NT5DC3: variants seen among roughly 807,000 people sequenced by gnomAD.
NT5DC3 encodes the protein 5'-nucleotidase domain containing 3, also known as 5'-nucleotidase domain-containing protein 3.
A neutral mutation model predicts 67.8 loss-of-function variants in NT5DC3; 42 were observed. The ratio of observed to expected loss-of-function variants is 0.62; its 90% confidence interval spans 0.48 to 0.80. The LOEUF (loss-of-function observed/expected upper bound fraction) is 0.80. Ranked by LOEUF, NT5DC3 falls within the 30% of genes least tolerant of loss-of-function variation. The pLI is 0.00. For missense variants in NT5DC3, 570 were observed against 696.4 expected (o/e 0.82, Z 2.04); for synonymous variants, 237 against 255.6 (o/e 0.93, Z 0.69).
intron 1 of NT5DC3, among the ~76,000 whole-genome samples, chr12:103,834,931 G>A (rs896245330): frequency 1.3e-5 from 2 of 152,164 alleles, no homozygotes; most frequent in Non-Finnish European, 2.9e-5. Context: ...TGTTTTAAAT[G>A]AATTCATCGG....
At chr12:103,770,109 T>C (rs1885147866), downstream of NT5DC3, among the ~76,000 whole-genome samples, 2 of 152,186 alleles carry the variant, frequency 1.3e-5, no homozygotes, top group South Asian at 4.1e-4. Flanking sequence ...ACATGGCCTA[T>C]CCTCACACGA....
At position 103,805,117 on chromosome 12, in the gene NT5DC3, C is replaced by T. The variant is rs187507651; in HGVS notation, c.524+1205G>A. Reference sequence around the variant, plus strand: ...TTCTGAGTCATAATGTAAACAGTGACCAGTACAACCACCAAAAACTGAGAT... The same window carrying T: ...TTCTGAGTCATAATGTAAACAGTGATCAGTACAACCACCAAAAACTGAGAT... On this transcript the variant is annotated intron_variant, in intron 4 of 13. Coordinates refer to ENST00000392876, the MANE Select transcript of NT5DC3 (RefSeq NM_001031701.3). 3.2e-3 allele frequency among the ~76,000 whole-genome samples: 481 copies of T among 151,122 alleles called. 4 individuals are homozygous for T. Among genetic ancestry groups the T allele is most frequent in the Admixed American group, 7.1e-3 (108 of 15,192 alleles).
chr12:103,806,953 T>C, intron 2 of NT5DC3, 24 bp from the exon 3 acceptor site: 1 of 1,433,394 alleles, frequency 7.0e-7, no homozygotes, highest in Non-Finnish European at 9.8e-7. Context: ...AAGGAACTGG[T>C]TTTAGCCAAC....
At chr12:103,766,549 T>G, downstream of NT5DC3, 1 of 559,264 alleles carries the variant, frequency 1.8e-6, no homozygotes, top group South Asian at 2.1e-5. Flanking sequence ...CCTTTGGCTC[T>G]TCTTCCTTTG....
chr12:103,786,369 G>A (rs1474258769), intron 11 of NT5DC3, among the ~76,000 whole-genome samples: 2 of 152,204 alleles, frequency 1.3e-5, no homozygotes, highest in South Asian at 2.1e-4. Flanking sequence ...CAAGTGCAAA[G>A]GCCCTGGGGC....
the NT5DC3 span, chr12:103,755,134 A>G: frequency 3.9e-5 from 34 of 863,992 alleles, no homozygotes; most frequent in Middle Eastern, 2.3e-4. Context: ...GGCTCAATCA[A>G]TCAGTCAACA....
the NT5DC3 span, among the ~76,000 whole-genome samples, chr12:103,761,573 C>T: frequency 6.6e-6 from 1 of 151,966 alleles, no homozygotes; most frequent in Non-Finnish European, 1.5e-5. Context: ...ACCGCCCAAC[C>T]CTGCTTCCTG....
chr12:103,814,589 A>G (rs1217331297), intron 2 of NT5DC3, among the ~76,000 whole-genome samples: 1 of 152,232 alleles, frequency 6.6e-6, no homozygotes, highest in Non-Finnish European at 1.5e-5. Flanking sequence ...ATCTCCTATC[A>G]TTTGAGGAAT....
intron 11 of NT5DC3, 83 bp from the exon 12 acceptor site, chr12:103,785,558 T>C: frequency 7.3e-7 from 1 of 1,360,952 alleles, no homozygotes; most frequent in Non-Finnish European, 1.0e-6. Context: ...ATGAGAGGCA[T>C]TCATTTAATT....
intron 4 of NT5DC3, among the ~76,000 whole-genome samples, chr12:103,805,790 G>A (rs1886771929): frequency 6.9e-6 from 1 of 145,780 alleles, no homozygotes; most frequent in African/African-American, 2.6e-5. Context: ...AGGCTGCAGT[G>A]AGCCTAGATT....
At chr12:103,825,280 T>C (rs183482821) in intron 1 of NT5DC3, among the ~76,000 whole-genome samples, 17 of 152,344 alleles carry the variant, frequency 1.1e-4, no homozygotes, top group Non-Finnish European at 2.1e-4. Context: ...ATACCTCTTA[T>C]TACCCTGTAA....
Position 103,785,434 on chromosome 12 carries a change from G to A in NT5DC3, c.1230C>T (p.Ile410=), listed in dbSNP as rs139807618. The A allele has an allele frequency of 2.5e-6, 4 of 1,613,930 alleles. No individual in the cohort carries two copies. The highest frequency in any genetic ancestry group is 3.4e-6 in the Non-Finnish European group (4 of 1,179,950). Residue 410 remains isoleucine (I), a synonymous_variant, in exon 12 of 14, where the codon ATC becomes ATT. Coordinates refer to ENST00000392876, the MANE Select transcript of NT5DC3 (RefSeq NM_001031701.3). ...TTTTGAGCTCAGATCTCAACTCTGG[G>A]ATGATTGCACCAGTCCTCCAGCCAT... is the stretch of plus-strand genomic sequence containing the variant. ...LKHGWRTGAI[I]PELRSELKIM... is the part of the protein sequence containing the mutation.
chr12:103,755,837 AC>A, the NT5DC3 span: 1 of 907,648 alleles, frequency 1.1e-6, no homozygotes, highest in Non-Finnish European at 1.7e-6. Context: ...TGGGTGCTGG[AC>A]CACCTTGCCT....
intron 12 of NT5DC3, among the ~76,000 whole-genome samples, chr12:103,781,851 C>G (rs117343529): frequency 0.02 from 3,108 of 152,314 alleles, 54 homozygotes; most frequent in Non-Finnish European, 0.033. Context: ...ACAGGCACTT[C>G]AGCCATCTCC....
downstream of NT5DC3, chr12:103,766,156 A>C (rs1243844225): frequency 7.8e-7 from 1 of 1,283,488 alleles, no homozygotes; most frequent in Non-Finnish European, 1.1e-6. Flanking sequence ...AGCACAAACA[A>C]ACACGCCCAG....
At chr12:103,786,094 T>C (rs1885759327) in intron 11 of NT5DC3, among the ~76,000 whole-genome samples, 2 of 152,116 alleles carry the variant, frequency 1.3e-5, no homozygotes, top group South Asian at 4.1e-4. Flanking sequence ...TGCCAGGCCC[T>C]AAATACTGAG....
At chr12:103,781,477 C>G (rs1224842285) in intron 12 of NT5DC3, among the ~76,000 whole-genome samples, 1 of 152,238 alleles carries the variant, frequency 6.6e-6, no homozygotes, top group Admixed American at 6.5e-5. Flanking sequence ...ACGAAGCACC[C>G]AGCAGCTGGC....
intron 1 of NT5DC3, among the ~76,000 whole-genome samples, chr12:103,825,751 G>A (rs1887666841): frequency 6.6e-6 from 1 of 152,184 alleles, no homozygotes; most frequent in Non-Finnish European, 1.5e-5. Flanking sequence ...TGTAGCCTAG[G>A]AAACAGAGCA....
At chr12:103,821,491 A>G (rs1276338139) in intron 1 of NT5DC3, among the ~76,000 whole-genome samples, 1 of 152,204 alleles carries the variant, frequency 6.6e-6, no homozygotes, top group East Asian at 1.9e-4. Flanking sequence ...GATCCCCTCC[A>G]GCCAATCATC....
Sources: allele counts gnomAD v4.1 joint callset (sites outside exome capture counted in the v4.1 genomes callset), GRCh38; gene constraint gnomAD v4.1.1; transcripts MANE v1.5; gene names NCBI Gene and HGNC (gene_info 2026-07-23, HGNC 2026-07-21).